GPR158: variants seen among roughly 807,000 people sequenced by gnomAD.
GPR158 encodes the protein metabotropic glycine receptor.
In GPR158, 30 loss-of-function variants were observed where a neutral mutation model predicts 78.2. The observed-to-expected ratio is 0.38, with a 90% CI of 0.29 to 0.52. The LOEUF is 0.52. GPR158 is among the 20% of genes least tolerant of loss of function. The pLI is 0.83. For missense variants in GPR158, 1,463 were observed against 1,523.5 expected (o/e 0.96, Z 0.66); for synonymous variants, 581 against 591.1 (o/e 0.98, Z 0.25).
Position 25,260,560 on chromosome 10 carries a change from G to A in GPR158, c.1008+39403G>A, listed in dbSNP as rs112189757. ...GAATCCAGAGTTCAGGGCTAAGACT[G>A]ACTTGTATTATTCTTTTGGTGGGAC... On this transcript the variant is annotated intron_variant, in intron 2 of 10. Coordinates refer to ENST00000376351, the MANE Select transcript of GPR158 (RefSeq NM_020752.3). Among the ~76,000 whole-genome samples, 499 of 151,662 alleles carry A rather than the reference G, an allele frequency of 3.3e-3. 6 individuals carry two copies. Among genetic ancestry groups the A allele is most frequent in the African/African-American group, 0.012 (485 of 41,404 alleles).
chr10:25,414,676 G>T (rs529417782), intron 4 of GPR158, among the ~76,000 whole-genome samples: 1 of 152,068 alleles, frequency 6.6e-6, no homozygotes, highest in Admixed American at 6.5e-5. Flanking sequence ...GATTTCCTGT[G>T]TCTTTGCAAC....
At chr10:25,396,313 G>A (rs942656404) in intron 3 of GPR158, among the ~76,000 whole-genome samples, 31 of 152,278 alleles carry the variant, frequency 2.0e-4, no homozygotes, top group African/African-American at 7.2e-4. Flanking sequence ...TGCTGCTACA[G>A]AAAGTTCCTA....
intron 5 of GPR158, among the ~76,000 whole-genome samples, chr10:25,512,639 C>T (rs1388707093): frequency 2.0e-5 from 3 of 152,060 alleles, no homozygotes; most frequent in African/African-American, 7.3e-5. Context: ...TCAACTTTTC[C>T]CTGTTCGGTA....
intron 2 of GPR158, among the ~76,000 whole-genome samples, chr10:25,303,171 A>C (rs965998036): frequency 2.0e-5 from 3 of 152,274 alleles, no homozygotes; most frequent in Non-Finnish European, 4.4e-5. Flanking sequence ...CTAGTTAATA[A>C]GTAACTGCTA....
intron 3 of GPR158, among the ~76,000 whole-genome samples, chr10:25,400,276 A>G (rs1223973848): frequency 1.3e-5 from 2 of 152,232 alleles, no homozygotes; most frequent in East Asian, 3.8e-4. Flanking sequence ...AATTGTAAAT[A>G]TAGCAAAAGA....
At chr10:25,555,247 A>G (rs898229422) in intron 6 of GPR158, among the ~76,000 whole-genome samples, 2 of 152,106 alleles carry the variant, frequency 1.3e-5, no homozygotes, top group Admixed American at 1.3e-4. Flanking sequence ...AGTTTTTCTC[A>G]ATTCTGTGAA....
At chr10:25,225,668 C>T (rs1269193464) in intron 2 of GPR158, among the ~76,000 whole-genome samples, 2 of 152,004 alleles carry the variant, frequency 1.3e-5, no homozygotes, top group East Asian at 1.9e-4. Context: ...GCTTTGGAGA[C>T]CACTTTTTGA....
chr10:25,417,479 C>T (rs1338305557), intron 4 of GPR158, among the ~76,000 whole-genome samples: 1 of 152,154 alleles, frequency 6.6e-6, no homozygotes, highest in South Asian at 2.1e-4. Context: ...GGACTCTAAG[C>T]AGGTTCTATG....
chr10:25,299,579 T>A (rs1854562728), intron 2 of GPR158, among the ~76,000 whole-genome samples: 1 of 152,212 alleles, frequency 6.6e-6, no homozygotes. Flanking sequence ...CTTTCCTTTT[T>A]AAAGGCTGGA....
At chr10:25,521,197 G>C (rs1042809401) in intron 5 of GPR158, among the ~76,000 whole-genome samples, 2 of 152,226 alleles carry the variant, frequency 1.3e-5, no homozygotes, top group African/African-American at 2.4e-5. Context: ...CTTCCCAGGT[G>C]AGGCAATGCC....
chr10:25,226,742 G>T (rs948335563), intron 2 of GPR158, among the ~76,000 whole-genome samples: 6 of 152,194 alleles, frequency 3.9e-5, no homozygotes, highest in Non-Finnish European at 8.8e-5. Context: ...GTGTTCATTT[G>T]TACCTAGAAA....
chr10:25,364,879 A>G (rs913049452), intron 2 of GPR158, among the ~76,000 whole-genome samples: 1 of 151,828 alleles, frequency 6.6e-6, no homozygotes, highest in Non-Finnish European at 1.5e-5. Flanking sequence ...AAGGCAAAGC[A>G]TACTAAATTT....
At chr10:25,577,771 C>G (rs999988743) in intron 7 of GPR158, among the ~76,000 whole-genome samples, 2 of 152,088 alleles carry the variant, frequency 1.3e-5, no homozygotes, top group African/African-American at 4.8e-5. Flanking sequence ...GATTTTAAAA[C>G]ATAGAAGGGG....
intron 2 of GPR158, among the ~76,000 whole-genome samples, chr10:25,285,896 G>A (rs1311959314): frequency 6.6e-6 from 1 of 152,090 alleles, no homozygotes; most frequent in African/African-American, 2.4e-5. Context: ...AATTTCACTG[G>A]CTATAAAATT....
rs79421719 is a variant in GPR158, at chr10:25,401,508, T to C, written c.1111+5495T>C. Among the ~76,000 whole-genome samples, 82 of 152,256 alleles carry C rather than the reference T, an allele frequency of 5.4e-4. 1 individual carries two copies. The East Asian group carries it at 0.013, about 23-fold the overall frequency. On this transcript the variant is annotated intron_variant, in intron 3 of 10. Transcript: ENST00000376351. ...TCTTTCATTTCACTTGTCCTAAAAATGGGCTGTGGACTGAGATATAACACT... is the reference window on the plus strand; with the variant it reads ...TCTTTCATTTCACTTGTCCTAAAAACGGGCTGTGGACTGAGATATAACACT...
chr10:25,336,249 AT>A (rs1479544171), intron 2 of GPR158, among the ~76,000 whole-genome samples: 3 of 152,110 alleles, frequency 2.0e-5, no homozygotes, highest in South Asian at 2.1e-4. Context: ...TGTTTATGTT[AT>A]TTGAAGTCTG....
At chr10:25,506,967 A>C (rs1328862487) in intron 5 of GPR158, among the ~76,000 whole-genome samples, 1 of 152,210 alleles carries the variant, frequency 6.6e-6, no homozygotes, top group Non-Finnish European at 1.5e-5. Context: ...GACACATACC[A>C]CTAGGCTATG....
chr10:25,221,051 G>A lies in GPR158; in HGVS notation c.903-1G>A. The A allele has an allele frequency of 1.4e-6, 2 of 1,430,854 alleles. No individual in the cohort carries two copies. The highest frequency in any genetic ancestry group is 9.8e-7 in the Non-Finnish European group (1 of 1,019,178). The allele number at this position is 1,430,854 out of a possible 1,614,324, so 88.6% of individuals were successfully genotyped here. The stretch of plus-strand genomic sequence containing the variant: ...TTCTTTTTATCCTTTTCTATTTCTA[G>A]GGGTGTCATGAAAGTTGACATAAAT... On this transcript the variant is annotated splice_acceptor_variant, in intron 1 of 10. Coordinates refer to ENST00000376351, the MANE Select transcript of GPR158 (RefSeq NM_020752.3). LOFTEE classifies it high-confidence loss of function.
intron 5 of GPR158, among the ~76,000 whole-genome samples, chr10:25,519,331 TG>T (rs1554810390): frequency 3.5e-5 from 5 of 142,896 alleles, no homozygotes; most frequent in Non-Finnish European, 7.5e-5. Context: ...TTATCCAATT[TG>T]CCAGTCTGTG....
Sources: allele counts gnomAD v4.1 joint callset (sites outside exome capture counted in the v4.1 genomes callset), GRCh38; gene constraint gnomAD v4.1.1; transcripts MANE v1.5; gene names NCBI Gene and HGNC (gene_info 2026-07-23, HGNC 2026-07-21).